The following TOR1AIP2 variants were observed in gnomAD, a reference collection of about 807,000 sequenced individuals.
TOR1AIP2 encodes the protein torsin-1A-interacting protein 2.
In TOR1AIP2, 20 loss-of-function variants were observed where a neutral mutation model predicts 32.6. That is an observed-to-expected ratio of 0.61 (90% CI 0.43 to 0.89). The LOEUF (loss-of-function observed/expected upper bound fraction) is 0.89. Among genes scored for constraint, TOR1AIP2 ranks in the 40% least tolerant of loss-of-function variants. TOR1AIP2 has a pLI of 0.00. For missense variants in TOR1AIP2, 456 were observed against 553.8 expected (o/e 0.82, Z 1.77); for synonymous variants, 214 against 210.8 (o/e 1.02, Z -0.13).
chr1:179,850,950 A>G lies in TOR1AIP2; in HGVS notation c.448T>C (p.Ser150Pro). 6.2e-7 allele frequency: 1 copy of G among 1,614,146 alleles called. No individual in the cohort carries two copies. Among genetic ancestry groups the G allele is most frequent in the Middle Eastern group, 1.6e-4 (1 of 6,062 alleles). ...PKEASDGTGA[S>P]QEPPTTDSQE... is the part of the protein sequence containing the mutation. ...GAGTCTGTAGTAGGTGGTTCCTGAG[A>G]TGCTCCAGTTCCGTCACTCGCTTCC... Residue 150 changes from serine (S) to proline (P), a missense_variant, in exon 5 of 7, where the codon TCT becomes CCT. By Grantham distance (74) the Ser-to-Pro change is moderately conservative. Transcript: ENST00000609928.
At position 179,846,173 on chromosome 1, in the gene TOR1AIP2, G is replaced by C; in HGVS notation, c.1311C>G (p.His437Gln). ...GCCCACTCAATTTGTCTGAGTCCAT[G>C]TGGTTGAAGGAGGTGGGAGTGTCAG... Reference protein sequence around the residue: ...TNSDTPTSFNHMDSDKLSGLW... With the variant: ...TNSDTPTSFNQMDSDKLSGLW... The change falls in exon 7 of 7, where the codon CAC becomes CAG. Residue 437 changes from histidine (H) to glutamine (Q), a missense_variant. Coordinates refer to ENST00000609928, the MANE Select transcript of TOR1AIP2 (RefSeq NM_001199260.2). 2 of 1,614,208 alleles carry C rather than the reference G, an allele frequency of 1.2e-6. No homozygotes were observed. The highest frequency in any genetic ancestry group is 1.7e-6 in the Non-Finnish European group (2 of 1,180,040).
chr1:179,857,410 G>T (rs988786264), intron 3 of TOR1AIP2, among the ~76,000 whole-genome samples: 1 of 152,140 alleles, frequency 6.6e-6, no homozygotes, highest in Admixed American at 6.6e-5. Flanking sequence ...CCTACTAGAC[G>T]GCCGGCTGAG....
chr1:179,875,906 T>C (rs1171175542), intron 2 of TOR1AIP2: 1 of 152,252 alleles, frequency 6.6e-6, no homozygotes, highest in Non-Finnish European at 1.5e-5. Context: ...GATCGCCCTA[T>C]GAATTCCTTC....
rs1236582419 is a variant in TOR1AIP2 at position 179,860,942 on chromosome 1, G to A, written c.-147+4494C>T. 4.1e-6 allele frequency: 4 copies of A among 985,316 alleles called. No homozygotes were observed. In the African/African-American group the frequency reaches 7.0e-5, roughly 17 times the overall value. The allele number at this position is 985,316 out of a possible 1,614,324, so 61.0% of individuals were successfully genotyped here. ...TGGACTCATTTCTGCCTTCCTGTTT[G>A]CCTGGGCTTCCTTCACCTGTAACTC... On this transcript the variant is annotated intron_variant, in intron 3 of 6. Transcript: ENST00000609928.
intron 3 of TOR1AIP2, among the ~76,000 whole-genome samples, chr1:179,858,751 T>C (rs1696402942): frequency 6.6e-6 from 1 of 152,022 alleles, no homozygotes; most frequent in Non-Finnish European, 1.5e-5. Context: ...GAGAACAAAA[T>C]CAGAGCTGGG....
chr1:179,852,840 A>G, intron 3 of TOR1AIP2, 29 bp from the exon 4 acceptor site: 5 of 1,366,316 alleles, frequency 3.7e-6, no homozygotes, highest in Non-Finnish European at 4.8e-6. Context: ...AAATTAAATG[A>G]CTTTTTATCC....
intron 3 of TOR1AIP2, chr1:179,860,438 CG>C: frequency 1.0e-6 from 1 of 977,372 alleles, no homozygotes; most frequent in Non-Finnish European, 1.2e-6. Context: ...GCCATGATGG[CG>C]CCACTGCACT....
chr1:179,865,410 A>G, intron 3 of TOR1AIP2, 26 bp downstream of exon 3: 1 of 539,480 alleles, frequency 1.9e-6, no homozygotes, highest in South Asian at 2.8e-5. Context: ...GGACCGATCC[A>G]GTTTATAATG....
chr1:179,846,639 TG>T lies in TOR1AIP2; in HGVS notation c.844del (p.Gln282ArgfsTer27). ...FLWQRGRKFL[Q>X]KHLNASNPTE... ...GGGGTTGGAAGCATTGAGGTGCTTC[TG>T]GAGAAACTTCCGTCCTCTCTGCCAC... On this transcript the variant is annotated frameshift_variant, in exon 7 of 7. Transcript: ENST00000609928. LOFTEE classifies it high-confidence loss of function. 1.2e-6 allele frequency: 2 copies of T among 1,614,134 alleles called. No homozygotes were observed. Among genetic ancestry groups the T allele is most frequent in the Non-Finnish European group, 1.7e-6 (2 of 1,179,982 alleles).
Position 179,846,351 on chromosome 1 carries a change from A to G in TOR1AIP2, c.1133T>C (p.Phe378Ser). 6.2e-7 allele frequency: 1 copy of G among 1,614,218 alleles called. No individual in the cohort carries two copies. Among genetic ancestry groups the G allele is most frequent in the Non-Finnish European group, 8.5e-7 (1 of 1,180,034 alleles). Reference sequence around the variant, plus strand: ...ATTCTCATGATCACAATACTTATAGAAGATCAAAGTGGAGCCGGCAGGGAA... The same window carrying G: ...ATTCTCATGATCACAATACTTATAGGAGATCAAAGTGGAGCCGGCAGGGAA... The part of the protein sequence containing the change: ...ESFPAGSTLI[F>S]YKYCDHENAA... Residue 378 changes from phenylalanine (F) to serine (S), a missense_variant, in exon 7 of 7, where the codon TTC becomes TCC. Physicochemically the swap from Phe to Ser is radical, Grantham distance 155. Transcript: ENST00000609928.
Position 179,843,318 on chromosome 1 carries a change from C to T in TOR1AIP2, c.*2753G>A, listed in dbSNP as rs2148417694. On this transcript the variant is annotated 3_prime_UTR_variant, in exon 7 of 7. Transcript: ENST00000609928. ...GCCAGGAGTTCGAGACCAACCTGGA[C>T]AACATAGCAAAACCTCGTCTCTATT... The T allele has an allele frequency of 6.6e-6, 1 of 151,806 alleles. No homozygotes were observed. The highest frequency in any genetic ancestry group is 2.1e-4 in the South Asian group (1 of 4,804). The allele number at this position is 151,806 out of a possible 1,614,324, so 9.4% of individuals were successfully genotyped here. A position where few individuals can be genotyped will look rare whatever the true frequency, so the allele number is the denominator to read the frequency against.
chr1:179,866,736 C>T (rs970403706), intron 2 of TOR1AIP2, among the ~76,000 whole-genome samples: 1 of 152,144 alleles, frequency 6.6e-6, no homozygotes, highest in Non-Finnish European at 1.5e-5. Flanking sequence ...GTTTATACAC[C>T]GTGTCATTCT....
chr1:179,850,864 C>T lies in TOR1AIP2; in HGVS notation c.534G>A (p.Arg178=). The change falls in exon 5 of 7, where the codon AGG becomes AGA. Residue 178 remains arginine (R), a synonymous_variant. Coordinates refer to ENST00000609928, the MANE Select transcript of TOR1AIP2 (RefSeq NM_001199260.2). Reference sequence around the variant, plus strand: ...TCTTACCTGGGGCCAGCAGTCGCCTCCTCAGTGTATCCTCACCCTCTTGCC... The same window carrying T: ...TCTTACCTGGGGCCAGCAGTCGCCTTCTCAGTGTATCCTCACCCTCTTGCC... The part of the protein sequence containing the change: ...SAGQEGEDTL[R]RRLLAPEAGS... 6.2e-7 allele frequency: 1 copy of T among 1,613,808 alleles called. No homozygotes were observed. Among genetic ancestry groups the T allele is most frequent in the Non-Finnish European group, 8.5e-7 (1 of 1,179,742 alleles).
chr1:179,851,232 C>T lies in TOR1AIP2; in HGVS notation c.166G>A (p.Val56Ile). 6.2e-7 allele frequency: 1 copy of T among 1,613,442 alleles called. No homozygotes were observed. Among genetic ancestry groups the T allele is most frequent in the Non-Finnish European group, 8.5e-7 (1 of 1,180,040 alleles). The change falls in exon 5 of 7, where the codon GTA (valine) becomes ATA (isoleucine). Residue 56 changes from valine (V) to isoleucine (I), a missense_variant. By Grantham distance (29) the Val-to-Ile change is conservative (BLOSUM62 3). Transcript: ENST00000609928. ...ACGLSKDHQE[V>I]ETEGPESADT... ...GCACTTTCTGGACCTTCTGTCTCTACCTCTTGGTGGTCTTTGCTAAGACCA... is the reference window on the plus strand; with the variant it reads ...GCACTTTCTGGACCTTCTGTCTCTATCTCTTGGTGGTCTTTGCTAAGACCA...
chr1:179,865,446 G>C lies in TOR1AIP2; in HGVS notation c.-157C>G. On this transcript the variant is annotated 5_prime_UTR_variant, in exon 3 of 7. It adds an upstream start codon to the 5' untranslated region. Transcript: ENST00000609928. ...TTATCAGTCACTTACTAGCAGTACA[G>C]ATCTCAGGATAGCTCCTTCAAATCC... 2.5e-6 allele frequency: 1 copy of C among 396,626 alleles called. No individual in the cohort carries two copies. Among genetic ancestry groups the C allele is most frequent in the Non-Finnish European group, 4.5e-6 (1 of 223,300 alleles). The allele number at this position is 396,626 out of a possible 1,614,324, so 24.6% of individuals were successfully genotyped here. A position where few individuals can be genotyped will look rare whatever the true frequency, so the allele number is the denominator to read the frequency against.
intron 3 of TOR1AIP2, among the ~76,000 whole-genome samples, chr1:179,855,505 C>A (rs984407445): frequency 6.6e-6 from 1 of 152,168 alleles, no homozygotes; most frequent in Non-Finnish European, 1.5e-5. Context: ...GGTGAGATAA[C>A]ATTTCACACC....
intron 3 of TOR1AIP2, chr1:179,863,223 C>CTAAA (rs1361471685): frequency 1.6e-6 from 1 of 610,448 alleles, no homozygotes; most frequent in African/African-American, 3.5e-5. Flanking sequence ...GACTCTGTCT[C>CTAAA]AAAAAAAAAA....
chr1:179,868,633 A>T (rs1696889843), intron 2 of TOR1AIP2: 1 of 152,214 alleles, frequency 6.6e-6, no homozygotes, highest in Non-Finnish European at 1.5e-5. Flanking sequence ...GCAAAATAAC[A>T]GCCACAATGG....
At chr1:179,858,065 C>T (rs932162281) in intron 3 of TOR1AIP2, among the ~76,000 whole-genome samples, 8 of 151,264 alleles carry the variant, frequency 5.3e-5, no homozygotes, top group Admixed American at 2.7e-4. Context: ...CTAAGGAGGA[C>T]GATCCTTTGA....
Sources: gnomAD v4.1 joint callset for allele counts (sites outside exome capture counted in the v4.1 genomes callset) on GRCh38, gnomAD v4.1.1 for gene constraint, MANE v1.5 for transcripts, NCBI Gene and HGNC (gene_info 2026-07-23, HGNC 2026-07-21) for gene names.